ARID3A: variants seen among roughly 807,000 people sequenced by gnomAD.
The protein encoded by ARID3A is AT-rich interactive domain-containing protein 3A.
A neutral mutation model predicts 52.7 loss-of-function variants in ARID3A; 11 were observed. The observed-to-expected ratio is 0.21, with a 90% confidence interval of 0.13 to 0.35. The LOEUF (loss-of-function observed/expected upper bound fraction) is 0.35. Among genes scored for constraint, ARID3A ranks in the 10% least tolerant of loss-of-function variants. The probability of loss-of-function intolerance (pLI) is 1.00; values close to 1 mark genes in which losing one functional copy is unlikely to be tolerated. For missense variants in ARID3A, 721 were observed against 838.5 expected, an observed-to-expected ratio of 0.86 and a Z score of 1.73; for synonymous variants, 404 against 359.4, an observed-to-expected ratio of 1.12 and a Z score of -1.40.
At position 964,030 on chromosome 19, in the gene ARID3A, C is replaced by T. The variant is rs1411056525; in HGVS notation, c.767-218C>T. Among the ~76,000 whole-genome samples the T allele has an allele frequency of 2.0e-5, 3 of 152,198 alleles. No individual in the cohort carries two copies. The highest frequency in any genetic ancestry group is 1.3e-4 in the Admixed American group (2 of 15,266). On this transcript the variant is annotated intron_variant, in intron 4 of 8. Transcript: ENST00000263620. The surrounding 1 kb of genome is among the most constrained non-coding windows in gnomAD (Gnocchi z 5.7). ...TAAGCCCAGGTTACTGGTGGATAAA[C>T]CGAGGCAGAGCTGCCCCCTCTGCAC...
intron 3 of ARID3A, among the ~76,000 whole-genome samples, chr19:952,848 C>A (rs950515731): frequency 4.6e-5 from 7 of 152,182 alleles, no homozygotes; most frequent in Non-Finnish European, 1.5e-5. Context: ...GCCCTGGGCC[C>A]CCCGCAGCTG....
intron 2 of ARID3A, among the ~76,000 whole-genome samples, chr19:930,389 T>G (rs929671930): frequency 2.1e-5 from 3 of 144,546 alleles, no homozygotes; most frequent in Non-Finnish European, 3.0e-5. Context: ...CCATCTCTAC[T>G]AAAAATACAA....
Position 968,397 on chromosome 19 carries a change from T to A in ARID3A, c.1496-8T>A, listed in dbSNP as rs77083792. On this transcript the variant is annotated splice_polypyrimidine_tract_variant and splice_region_variant and intron_variant, in intron 7 of 8. Transcript: ENST00000263620. ...AAAAAAGAAACTAATTTGTTCTTCT[T>A]CCCACAGCCTCCGAAAGCCGCCAGG... 6.2e-7 allele frequency: 1 copy of A among 1,607,580 alleles called. No individual in the cohort carries two copies. The highest frequency in any genetic ancestry group is 1.3e-5 in the African/African-American group (1 of 74,536).
intron 8 of ARID3A, among the ~76,000 whole-genome samples, chr19:971,648 A>T (rs776283574): frequency 3.3e-5 from 5 of 152,138 alleles, no homozygotes; most frequent in Non-Finnish European, 7.4e-5. Context: ...TTAGCCAGAC[A>T]TGGTGGCACG....
rs760991193 is a variant in ARID3A, at chr19:966,853, C to T, written c.1480C>T (p.Arg494Trp). ...GGCGGCCCAGCTGCCCATGAGCATT[C>T]GGATCAACAGCCAAGGTACTGCCCT... ...AMAAQLPMSI[R>W]INSQASESRQ... Residue 494 changes from arginine to tryptophan, a missense_variant, in exon 7 of 9, where the codon CGG becomes TGG. This residue lies in a region of ARID3A where 297 missense variants were observed against 343.2 expected (regional missense o/e 0.87). Transcript: ENST00000263620. The T allele has an allele frequency of 2.5e-5, 40 of 1,609,670 alleles. No homozygotes were observed. Among genetic ancestry groups the T allele is most frequent in the Middle Eastern group, 1.7e-4 (1 of 6,010 alleles).
rs554349616 is a variant in ARID3A at position 974,636 on chromosome 19, A to G, written c.*2571A>G. The G allele has an allele frequency of 1.3e-5, 3 of 229,144 alleles. No homozygotes were observed. In the Admixed American group the frequency reaches 1.7e-4, roughly 13 times the overall value. The allele number at this position is 229,144 out of a possible 1,614,324, so 14.2% of individuals were successfully genotyped here. On this transcript the variant is annotated 3_prime_UTR_variant, in exon 9 of 9. Coordinates refer to ENST00000263620, the MANE Select transcript of ARID3A (RefSeq NM_005224.3). ...CCACTGGGGCCTGGCTGCCTGCTGCATCTGGCGGCCCTGGACCCCTGGGGC... is the reference window on the plus strand; with the variant it reads ...CCACTGGGGCCTGGCTGCCTGCTGCGTCTGGCGGCCCTGGACCCCTGGGGC...
At chr19:930,648 T>C (rs1599380813) in intron 2 of ARID3A, among the ~76,000 whole-genome samples, 1 of 149,544 alleles carries the variant, frequency 6.7e-6, no homozygotes, top group African/African-American at 2.5e-5. Flanking sequence ...TAGTTGGGAC[T>C]ACAGGCGCCC....
Position 947,482 on chromosome 19 carries a change from C to T in ARID3A, c.694-12610C>T, listed in dbSNP as rs112130933. 7.6e-3 allele frequency among the ~76,000 whole-genome samples: 1,157 copies of T among 152,242 alleles called. 11 individuals carry two copies. The highest frequency in any genetic ancestry group is 0.027 in the Middle Eastern group (8 of 294). ...CCCAACTGTGAAACGGGCTGGCGGC[C>T]GGTCAGCGTCTCCTCCCTGAGCAAG... On this transcript the variant is annotated intron_variant, in intron 3 of 8. Transcript: ENST00000263620. This position sits in a 1 kb window ranked among gnomAD's most constrained non-coding sequence, Gnocchi z 6.3.
In ARID3A at chr19:932,512, G is replaced by T; in HGVS notation, c.463G>T (p.Asp155Tyr). 6.5e-7 allele frequency: 1 copy of T among 1,543,504 alleles called. No homozygotes were observed. The highest frequency in any genetic ancestry group is 1.2e-5 in the South Asian group (1 of 83,824). ...EDYEDEEEEE[D>Y]EEGLGPPGPA... ...TTACGAGGATGAGGAGGAGGAGGAG[G>T]ACGAGGAGGGGCTGGGCCCCCCAGG... Residue 155 changes from aspartate to tyrosine, a missense_variant, in exon 3 of 9, where the codon GAC (aspartate) becomes TAC (tyrosine). Physicochemically the swap from Asp to Tyr is radical, Grantham distance 160. Coordinates refer to ENST00000263620, the MANE Select transcript of ARID3A (RefSeq NM_005224.3).
chr19:967,214 C>T (rs1053432024), intron 7 of ARID3A, among the ~76,000 whole-genome samples: 49 of 151,786 alleles, frequency 3.2e-4, no homozygotes, highest in African/African-American at 1.1e-3. Flanking sequence ...CCCGAGATAA[C>T]GCCACTGCAC....
chr19:928,078 G>A (rs1313844299), intron 1 of ARID3A, among the ~76,000 whole-genome samples: 1 of 152,176 alleles, frequency 6.6e-6, no homozygotes, highest in East Asian at 1.9e-4. Flanking sequence ...AGGGGTCCCT[G>A]CCTCCTCGTC....
In ARID3A at chr19:962,939, G is replaced by T. The variant is rs994782318; in HGVS notation, c.767-1309G>T. Among the ~76,000 whole-genome samples the T allele has an allele frequency of 7.2e-5, 11 of 152,198 alleles. 1 individual carries two copies. The highest frequency in any genetic ancestry group is 5.9e-5 in the Non-Finnish European group (4 of 68,032). On this transcript the variant is annotated intron_variant, in intron 4 of 8. Coordinates refer to ENST00000263620, the MANE Select transcript of ARID3A (RefSeq NM_005224.3). ...GCTGAAACCCGGCGCGGCTCCTCTC[G>T]CCCAGGCTGTAAAGTGGGTTTCAGG...
chr19:932,724 C>T lies in ARID3A; in HGVS notation c.675C>T (p.Tyr225=), dbSNP rs750779148. The T allele has an allele frequency of 1.0e-4, 156 of 1,547,244 alleles. No individual in the cohort carries two copies. Among genetic ancestry groups the T allele is most frequent in the Middle Eastern group, 2.2e-4 (1 of 4,546 alleles). Residue 225 remains tyrosine (Y), a synonymous_variant, in exon 3 of 9, where the codon TAC becomes TAT. Coordinates refer to ENST00000263620, the MANE Select transcript of ARID3A (RefSeq NM_005224.3). ...LQPPDHGDWT[Y]EEQFKQLYEL... is the part of the protein sequence containing the mutation. ...CGCCTGACCACGGCGACTGGACTTA[C>T]GAGGAGCAGTTTAAGCAGGTGAGTG...
intron 3 of ARID3A, among the ~76,000 whole-genome samples, chr19:951,990 A>G (rs189851363): frequency 6.6e-5 from 10 of 151,992 alleles, no homozygotes; most frequent in Non-Finnish European, 1.5e-4. Flanking sequence ...TTAAAAAAAA[A>G]ATTAGCCAGG....
At chr19:957,217 C>T (rs2037940854) in intron 3 of ARID3A, among the ~76,000 whole-genome samples, 1 of 152,164 alleles carries the variant, frequency 6.6e-6, no homozygotes, top group Admixed American at 6.5e-5. Flanking sequence ...CCTCCCCAGC[C>T]ACCACCCTGG....
At chr19:926,889 C>G (rs892153867) in intron 1 of ARID3A, among the ~76,000 whole-genome samples, 5 of 152,126 alleles carry the variant, frequency 3.3e-5, no homozygotes, top group South Asian at 2.1e-4. Flanking sequence ...GGGTTCCCCC[C>G]CCCATGCAAA....
At chr19:931,996 A>G (rs1330682337) in intron 2 of ARID3A, among the ~76,000 whole-genome samples, 3 of 150,690 alleles carry the variant, frequency 2.0e-5, no homozygotes, top group Non-Finnish European at 3.0e-5. Context: ...TGCCGTAATG[A>G]TTCCCTTTTT....
intron 3 of ARID3A, among the ~76,000 whole-genome samples, chr19:955,055 GGTTGAC>G (rs1373781117): frequency 1.3e-5 from 2 of 152,188 alleles, no homozygotes; most frequent in Non-Finnish European, 2.9e-5. Context: ...AGAGCTTTCT[GGTTGAC>G]GTTTCAGAGG....
In ARID3A at chr19:929,793, G is replaced by T; in HGVS notation, c.265G>T (p.Glu89Ter). ...CTCTGAGGATGGGCCCCCAGGCTCG[G>T]AGGAGGAGGACGCGGCCCGGGAGGG... ...GGSEDGPPGS[E>*]EEDAAREGTP... Residue 89 changes from glutamate to a stop codon, truncating the protein, a stop_gained, in exon 2 of 9, where the codon GAG becomes TAG. Transcript: ENST00000263620. LOFTEE classifies it high-confidence loss of function. The surrounding 1 kb of genome is among the most constrained non-coding windows in gnomAD (Gnocchi z 6.2). 1 of 1,548,886 alleles carries T rather than the reference G, an allele frequency of 6.5e-7. No individual in the cohort carries two copies.
Sources: gnomAD v4.1 joint callset for allele counts (sites outside exome capture counted in the v4.1 genomes callset) on GRCh38, gnomAD v4.1.1 for gene constraint, gnomAD v4.1.1 regional missense constraint, Gnocchi (gnomAD v3.1) non-coding constraint, MANE v1.5 for transcripts, NCBI Gene and HGNC (gene_info 2026-07-23, HGNC 2026-07-21) for gene names.